The following XKR6 variants were observed in gnomAD, a reference collection of about 807,000 sequenced individuals.
XKR6 encodes XK-related protein 6.
A neutral mutation model predicts 56.7 loss-of-function variants in XKR6; 22 were observed. The observed-to-expected ratio is 0.39, with a 90% CI of 0.28 to 0.55. The LOEUF is 0.55. XKR6 is among the 20% of genes least tolerant of loss of function. The pLI, the probability that XKR6 is intolerant of heterozygous loss-of-function variation, is 0.66. For synonymous variants in XKR6, 524 were observed against 387.8 expected (o/e 1.35, Z -4.13); for missense variants, 852 against 889.0 (o/e 0.96, Z 0.53).
chr8:11,062,448 T>A (rs1799860049), intron 1 of XKR6, among the ~76,000 whole-genome samples: 1 of 152,158 alleles, frequency 6.6e-6, no homozygotes, highest in African/African-American at 2.4e-5. Flanking sequence ...TAAGATCTTA[T>A]AAATCAAATG....
intron 1 of XKR6, among the ~76,000 whole-genome samples, chr8:10,984,722 C>G (rs1437140986): frequency 1.3e-5 from 1 of 79,206 alleles, no homozygotes; most frequent in African/African-American, 5.7e-5. Flanking sequence ...CTCTCTCTCT[C>G]TCTCTCTCTC....
intron 1 of XKR6, among the ~76,000 whole-genome samples, chr8:10,951,626 G>A (rs1359452144): frequency 9.2e-5 from 14 of 152,332 alleles, no homozygotes; most frequent in Non-Finnish European, 2.9e-5. Context: ...GCTGGTCCAT[G>A]ACCTAACGGC....
intron 1 of XKR6, among the ~76,000 whole-genome samples, chr8:11,123,210 C>T (rs1259876054): frequency 6.8e-6 from 1 of 147,124 alleles, no homozygotes. Context: ...GCACTCCAGC[C>T]TGGGTGGCAG....
chr8:11,021,677 T>C (rs548229205), intron 1 of XKR6, among the ~76,000 whole-genome samples: 1 of 152,234 alleles, frequency 6.6e-6, no homozygotes, highest in South Asian at 2.1e-4. Context: ...ACATCAGAGA[T>C]CATGACTGCT....
At chr8:10,918,285 A>C (rs1413570175) in intron 2 of XKR6, among the ~76,000 whole-genome samples, 2 of 152,170 alleles carry the variant, frequency 1.3e-5, no homozygotes, top group African/African-American at 4.8e-5. Flanking sequence ...CTTCCCCCTG[A>C]GTGCTTGGAA....
At chr8:10,979,785 AGGACCCTGTGCTGC>A (rs1797685745) in intron 1 of XKR6, among the ~76,000 whole-genome samples, 1 of 152,166 alleles carries the variant, frequency 6.6e-6, no homozygotes, top group Non-Finnish European at 1.5e-5. Context: ...GCTCTGAGTG[AGGACCCTGTGCTGC>A]GGGGAGGGGA....
At chr8:11,133,535 C>T (rs1016450302) in intron 1 of XKR6, among the ~76,000 whole-genome samples, 1 of 152,080 alleles carries the variant, frequency 6.6e-6, no homozygotes, top group African/African-American at 2.4e-5. Context: ...CTGTTTCTCT[C>T]AGAGTACACA....
At chr8:11,156,976 C>T (rs1334946172) in intron 1 of XKR6, among the ~76,000 whole-genome samples, 1 of 152,154 alleles carries the variant, frequency 6.6e-6, no homozygotes, top group Non-Finnish European at 1.5e-5. Context: ...AACCAAGTGA[C>T]GGAGATGAAC....
chr8:11,028,857 G>A (rs755081757), intron 1 of XKR6, among the ~76,000 whole-genome samples: 2 of 152,190 alleles, frequency 1.3e-5, no homozygotes, highest in Admixed American at 6.5e-5. Flanking sequence ...TCTCAGATGT[G>A]CTCAGTGGCT....
chr8:10,945,771 G>A (rs1222470417), intron 1 of XKR6, among the ~76,000 whole-genome samples: 1 of 152,154 alleles, frequency 6.6e-6, no homozygotes, highest in South Asian at 2.1e-4. Context: ...GCAAGGGTAC[G>A]CATAGCCCTT....
At chr8:11,023,542 G>A (rs1460901924) in intron 1 of XKR6, among the ~76,000 whole-genome samples, 1 of 152,220 alleles carries the variant, frequency 6.6e-6, no homozygotes, top group Non-Finnish European at 1.5e-5. Flanking sequence ...GGCATTACAG[G>A]TGTGAGCCAC....
chr8:11,169,620 G>A (rs745638209), intron 1 of XKR6, among the ~76,000 whole-genome samples: 1 of 152,162 alleles, frequency 6.6e-6, no homozygotes, highest in African/African-American at 2.4e-5. Flanking sequence ...GTTTATCAGA[G>A]GCTGGAGAAA....
chr8:11,133,606 A>G (rs1185441520), intron 1 of XKR6, among the ~76,000 whole-genome samples: 1 of 152,136 alleles, frequency 6.6e-6, no homozygotes, highest in Non-Finnish European at 1.5e-5. Flanking sequence ...GACTCAGCAA[A>G]GAATTGTGTG....
intron 2 of XKR6, among the ~76,000 whole-genome samples, chr8:10,906,119 T>A (rs1013255066): frequency 2.0e-4 from 30 of 152,214 alleles, no homozygotes; most frequent in African/African-American, 6.8e-4. Context: ...AGAATCTGGA[T>A]CTGCATGTGC....
intron 1 of XKR6, among the ~76,000 whole-genome samples, chr8:11,188,907 G>T (rs1300341333): frequency 6.6e-6 from 1 of 152,128 alleles, no homozygotes; most frequent in South Asian, 2.1e-4. Flanking sequence ...ACATTTCTAG[G>T]TGGAGTGCAA....
chr8:11,121,749 G>A (rs1319070946), intron 1 of XKR6, among the ~76,000 whole-genome samples: 7 of 152,086 alleles, frequency 4.6e-5, no homozygotes, highest in South Asian at 2.1e-4. Context: ...TGTTTATTGC[G>A]GCACTATTCA....
chr8:11,095,264 A>C (rs1798231146), intron 1 of XKR6, among the ~76,000 whole-genome samples: 1 of 152,200 alleles, frequency 6.6e-6, no homozygotes. Context: ...TCCATCTCAA[A>C]TGAGATTCTG....
At chr8:11,111,809 T>C (rs918208888) in intron 1 of XKR6, 1 of 152,044 alleles carries the variant, frequency 6.6e-6, no homozygotes, top group African/African-American at 2.4e-5. Context: ...ACAACATAAT[T>C]TCCAGAGTTC....
intron 1 of XKR6, among the ~76,000 whole-genome samples, chr8:11,011,951 A>C (rs1482889784): frequency 6.6e-6 from 1 of 152,258 alleles, no homozygotes; most frequent in Non-Finnish European, 1.5e-5. Context: ...GAGATGGTGC[A>C]GGAGGTGGCA....
Sources: allele counts gnomAD v4.1 joint callset (sites outside exome capture counted in the v4.1 genomes callset), GRCh38; gene constraint gnomAD v4.1.1; transcripts MANE v1.5; gene names NCBI Gene and HGNC (gene_info 2026-07-23, HGNC 2026-07-21).